The following LITAF variants were observed in gnomAD, a reference collection of about 807,000 sequenced individuals.
LITAF encodes lipopolysaccharide-induced tumor necrosis factor-alpha factor.
In LITAF, 9 loss-of-function variants were observed where a neutral mutation model predicts 14.5. The observed-to-expected ratio is 0.62, with a 90% CI of 0.37 to 1.08. The LOEUF is 1.08. LITAF is among the 50% of genes least tolerant of loss of function. LITAF has a pLI of 0.01. For synonymous variants in LITAF, 98 were observed against 88.2 expected, an observed-to-expected ratio of 1.11 and a Z score of -0.62; for missense variants, 206 against 213.4, an observed-to-expected ratio of 0.97 and a Z score of 0.22.
rs934994018 is a variant in LITAF at position 11,558,264 on chromosome 16, G to C, written c.-5-1529C>G. 6.6e-6 allele frequency among the ~76,000 whole-genome samples: 1 copy of C among 152,078 alleles called. No homozygotes were observed. The highest frequency in any genetic ancestry group is 2.4e-5 in the African/African-American group (1 of 41,408). On this transcript the variant is annotated intron_variant, in intron 1 of 3. Coordinates refer to ENST00000622633, the MANE Select transcript of LITAF (RefSeq NM_001136472.2). The surrounding 1 kb of genome is among the most constrained non-coding windows in gnomAD (Gnocchi z 4.1). ...ACTTCTCTGGAGGAACCGAAGAAAGGGTATTCACCTCAAAGTGGAAACAGA... is the reference window on the plus strand; with the variant it reads ...ACTTCTCTGGAGGAACCGAAGAAAGCGTATTCACCTCAAAGTGGAAACAGA...
At chr16:11,637,912 ATC>A (rs1406960901), upstream of LITAF, among the ~76,000 whole-genome samples, 551 of 42,892 alleles carry the variant, frequency 0.013, 147 homozygotes, top group African/African-American at 0.1. Context: ...ATATATATAT[ATC>A]TATATCTATA....
At chr16:11,621,675 A>C (rs2065052296) in intron 3 of LITAF, among the ~76,000 whole-genome samples, 1 of 152,042 alleles carries the variant, frequency 6.6e-6, no homozygotes, top group African/African-American at 2.4e-5. Context: ...AGCTCCCCTG[A>C]ATTCCCCGGC....
chr16:11,632,629 C>G lies in LITAF; in HGVS notation c.85+904G>C, dbSNP rs2065123461. On this transcript the variant is annotated intron_variant, in intron 3 of 3. Transcript: ENST00000574848. This position sits in a 1 kb window ranked among gnomAD's most constrained non-coding sequence, Gnocchi z 4.8. ...TTGGCCCCATCTGGAGGAAGCCCCACCGAGCCAGAGCCAGGGGAAGAACTG... is the reference window on the plus strand; with the variant it reads ...TTGGCCCCATCTGGAGGAAGCCCCAGCGAGCCAGAGCCAGGGGAAGAACTG... Among the ~76,000 whole-genome samples, 3 of 152,216 alleles carry G rather than the reference C, an allele frequency of 2.0e-5. No individual in the cohort carries two copies. The highest frequency in any genetic ancestry group is 4.4e-5 in the Non-Finnish European group (3 of 68,032).
chr16:11,587,632 G>A (rs1179179569), upstream of LITAF: 1 of 228,652 alleles, frequency 4.4e-6, no homozygotes, highest in South Asian at 4.2e-5. Flanking sequence ...GGTCCGTGCC[G>A]CCAGGTAGGC....
At chr16:11,574,582 C>T (rs897854735) in intron 1 of LITAF, among the ~76,000 whole-genome samples, 5 of 152,128 alleles carry the variant, frequency 3.3e-5, no homozygotes, top group Admixed American at 3.3e-4. Context: ...TCTCTGCCCT[C>T]CCCAGGCCTC....
intron 3 of LITAF, among the ~76,000 whole-genome samples, chr16:11,612,239 C>T (rs115156204): frequency 9.0e-4 from 137 of 152,306 alleles, no homozygotes; most frequent in African/African-American, 3.2e-3. Context: ...AGATCTAAAA[C>T]GGGGGTCTCT....
At chr16:11,601,821 T>G (rs574063773), upstream of LITAF, among the ~76,000 whole-genome samples, 59 of 152,126 alleles carry the variant, frequency 3.9e-4, no homozygotes, top group Non-Finnish European at 7.1e-4. Context: ...AGGCCTCCCA[T>G]GTTGTCGGGA....
intron 1 of LITAF, among the ~76,000 whole-genome samples, chr16:11,592,778 G>A (rs557408727): frequency 3.9e-5 from 6 of 152,236 alleles, no homozygotes; most frequent in African/African-American, 1.2e-4. Context: ...GCTCATGCCT[G>A]TAATCCTAAC....
At chr16:11,638,855 T>G (rs1416014858), upstream of LITAF, among the ~76,000 whole-genome samples, 1 of 151,958 alleles carries the variant, frequency 6.6e-6, no homozygotes. Flanking sequence ...TCATTTTAGA[T>G]ATACATAGCT....
chr16:11,556,501 C>T lies in LITAF; in HGVS notation c.220+10G>A, dbSNP rs1203178429. On this transcript the variant is annotated intron_variant, in intron 2 of 3. Transcript: ENST00000622633. Reference sequence around the variant, plus strand: ...GGAATGGTAAGGGGGGCCTGGGAGGCCACACGTACTTGGATTGTTATTGGG... The same window carrying T: ...GGAATGGTAAGGGGGGCCTGGGAGGTCACACGTACTTGGATTGTTATTGGG... 3 of 1,608,636 alleles carry T rather than the reference C, an allele frequency of 1.9e-6. No individual in the cohort carries two copies. The highest frequency in any genetic ancestry group is 1.1e-5 in the South Asian group (1 of 90,734).
At chr16:11,557,249 T>C (rs956154037) in intron 1 of LITAF, among the ~76,000 whole-genome samples, 3 of 150,516 alleles carry the variant, frequency 2.0e-5, no homozygotes, top group African/African-American at 7.4e-5. Flanking sequence ...AGGTCAGAAA[T>C]AGGCAAAATG....
At chr16:11,562,130 A>G (rs148256973) in intron 1 of LITAF, among the ~76,000 whole-genome samples, 16 of 151,906 alleles carry the variant, frequency 1.1e-4, no homozygotes, top group Middle Eastern at 3.4e-3. Context: ...TAAGCTGCCC[A>G]GGATGGTCAT....
intron 1 of LITAF, chr16:11,636,194 G>A (rs569281931): frequency 3.9e-5 from 6 of 152,234 alleles, no homozygotes; most frequent in African/African-American, 1.4e-4. Flanking sequence ...GCTTGCTCCA[G>A]ATGGAATGGG....
intron 1 of LITAF, among the ~76,000 whole-genome samples, chr16:11,560,125 C>G (rs930490288): frequency 6.6e-6 from 1 of 151,602 alleles, no homozygotes; most frequent in African/African-American, 2.4e-5. Flanking sequence ...GGTGAAACCC[C>G]GTCTCTACTA....
At chr16:11,583,566 G>T (rs1185939231) in intron 1 of LITAF, among the ~76,000 whole-genome samples, 2 of 152,196 alleles carry the variant, frequency 1.3e-5, no homozygotes, top group Non-Finnish European at 2.9e-5. Flanking sequence ...AGTGGTAGTT[G>T]TTTCGTTCTA....
At chr16:11,601,264 A>T (rs1173475408), upstream of LITAF, among the ~76,000 whole-genome samples, 1 of 98,546 alleles carries the variant, frequency 1.0e-5, no homozygotes, top group South Asian at 3.0e-4. Context: ...CCACCTCCCC[A>T]CCCTTCTGTG....
At chr16:11,577,797 T>C (rs954076633) in intron 1 of LITAF, among the ~76,000 whole-genome samples, 2 of 152,050 alleles carry the variant, frequency 1.3e-5, no homozygotes, top group African/African-American at 4.8e-5. Flanking sequence ...CCATCATAGC[T>C]TACTATGGCC....
upstream of LITAF, among the ~76,000 whole-genome samples, chr16:11,638,926 A>C (rs989363918): frequency 6.6e-6 from 1 of 151,954 alleles, no homozygotes. Context: ...TGGATAGTAA[A>C]CTTTAGTTAT....
At chr16:11,617,969 C>G (rs2065028483) in intron 3 of LITAF, among the ~76,000 whole-genome samples, 1 of 152,056 alleles carries the variant, frequency 6.6e-6, no homozygotes, top group South Asian at 2.1e-4. Flanking sequence ...CCCCTGAGAT[C>G]AAACGATCCT....
Sources: allele counts gnomAD v4.1 joint callset (sites outside exome capture counted in the v4.1 genomes callset), GRCh38; gene constraint gnomAD v4.1.1; non-coding constraint Gnocchi (gnomAD v3.1); transcripts MANE v1.5; gene names NCBI Gene and HGNC (gene_info 2026-07-23, HGNC 2026-07-21).